Variants in MAGI2 observed in about 807,000 individuals in gnomAD.
The protein encoded by MAGI2 is membrane-associated guanylate kinase, WW and PDZ domain-containing protein 2.
A neutral mutation model predicts 133.3 loss-of-function variants in MAGI2; 35 were observed. The ratio of observed to expected loss-of-function variants is 0.26; its 90% CI spans 0.20 to 0.35. The LOEUF (loss-of-function observed/expected upper bound fraction) is 0.35. Among genes scored for constraint, MAGI2 ranks in the 10% least tolerant of loss-of-function variants. MAGI2 has a pLI of 1.00. For synonymous variants in MAGI2, 729 were observed against 710.6 expected (o/e 1.03, Z -0.41); for missense variants, 1,636 against 1,863.4 (o/e 0.88, Z 2.25).
At chr7:78,276,689 A>G (rs1159758153) in intron 9 of MAGI2, among the ~76,000 whole-genome samples, 1 of 152,184 alleles carries the variant, frequency 6.6e-6, no homozygotes, top group Non-Finnish European at 1.5e-5. Flanking sequence ...GTTACCTTAC[A>G]TATTATATGT....
At chr7:78,332,701 A>C (rs1380617432) in intron 9 of MAGI2, among the ~76,000 whole-genome samples, 2 of 13,306 alleles carry the variant, frequency 1.5e-4, no homozygotes, top group South Asian at 1.8e-3. Flanking sequence ...CCGTCTCAAA[A>C]AAAAAAAAAA....
chr7:78,610,382 T>C (rs1181534513), intron 3 of MAGI2, among the ~76,000 whole-genome samples: 2 of 152,120 alleles, frequency 1.3e-5, no homozygotes, highest in African/African-American at 2.4e-5. Context: ...CATCACTACA[T>C]AGTATAGTGC....
chr7:78,453,905 T>C (rs1435419849), intron 6 of MAGI2, among the ~76,000 whole-genome samples: 1 of 152,206 alleles, frequency 6.6e-6, no homozygotes, highest in Non-Finnish European at 1.5e-5. Flanking sequence ...TTTCCGTTTT[T>C]ATTGGTATAT....
At chr7:78,386,263 T>C (rs1795382937) in intron 6 of MAGI2, among the ~76,000 whole-genome samples, 1 of 152,192 alleles carries the variant, frequency 6.6e-6, no homozygotes, top group Non-Finnish European at 1.5e-5. Context: ...ATTCTCTCTA[T>C]ATAATAATGC....
At chr7:78,863,689 A>G (rs1794334577) in intron 2 of MAGI2, among the ~76,000 whole-genome samples, 1 of 152,336 alleles carries the variant, frequency 6.6e-6, no homozygotes, top group South Asian at 2.1e-4. Flanking sequence ...AACTTTGCTC[A>G]CAGATAAATA....
At position 78,497,750 on chromosome 7, in the gene MAGI2, A is replaced by ATCTATCTATCTGTCTGTCTGTCTGTCTG. The variant is rs1554442384; in HGVS notation, c.965+3826_965+3827insCAGACAGACAGACAGACAGATAGATAGA. On this transcript the variant is annotated intron_variant, in intron 5 of 21. Coordinates refer to ENST00000354212, the MANE Select transcript of MAGI2 (RefSeq NM_012301.4). ...TATCTATCTATCTATCTATCTATCT[A>ATCTATCTATCTGTCTGTCTGTCTGTCTG]TCTATCTATCTATCTTTCTATCTTA... 3.0e-3 allele frequency among the ~76,000 whole-genome samples: 337 copies of ATCTATCTATCTGTCTGTCTGTCTGTCTG among 113,506 alleles called. 9 individuals carry two copies. Among genetic ancestry groups the ATCTATCTATCTGTCTGTCTGTCTGTCTG allele is most frequent in the Middle Eastern group, 4.5e-3 (1 of 220 alleles). The allele number at this position is 113,506 out of a possible 152,430, so 74.5% of individuals were successfully genotyped here. A position where few individuals can be genotyped will look rare whatever the true frequency, so the allele number is the denominator to read the frequency against.
At chr7:79,171,771 T>TATATATATATATATATATA (rs1554394312) in intron 1 of MAGI2, among the ~76,000 whole-genome samples, 8 of 20,046 alleles carry the variant, frequency 4.0e-4, no homozygotes, top group South Asian at 1.2e-3. Context: ...TATATATATA[T>TATATATATATATATATATA]TTTTTTTTTT....
intron 20 of MAGI2, among the ~76,000 whole-genome samples, chr7:78,120,421 C>T (rs1179828293): frequency 6.6e-6 from 1 of 151,996 alleles, no homozygotes; most frequent in Non-Finnish European, 1.5e-5. Context: ...AACAAAAACA[C>T]TTGACAAGAA....
chr7:78,665,479 T>C (rs1432719603), intron 2 of MAGI2, among the ~76,000 whole-genome samples: 1 of 152,152 alleles, frequency 6.6e-6, no homozygotes, highest in Non-Finnish European at 1.5e-5. Flanking sequence ...TGATCGCACA[T>C]TGTACACTGA....
intron 2 of MAGI2, among the ~76,000 whole-genome samples, chr7:78,902,872 A>T (rs188892978): frequency 1.3e-5 from 2 of 152,316 alleles, no homozygotes; most frequent in Non-Finnish European, 1.5e-5. Flanking sequence ...TAGGGAAGAT[A>T]TTGTAAACAA....
At chr7:78,520,960 A>G (rs1796443297) in intron 4 of MAGI2, among the ~76,000 whole-genome samples, 1 of 152,176 alleles carries the variant, frequency 6.6e-6, no homozygotes, top group Non-Finnish European at 1.5e-5. Context: ...TATTCATTGA[A>G]GTTGTAAACT....
chr7:78,326,160 A>T (rs1788562510), intron 9 of MAGI2, among the ~76,000 whole-genome samples: 1 of 152,214 alleles, frequency 6.6e-6, no homozygotes. Context: ...TTATAAGAAG[A>T]GATTGTACCT....
chr7:78,437,346 T>C (rs1800394963), intron 6 of MAGI2, among the ~76,000 whole-genome samples: 1 of 152,178 alleles, frequency 6.6e-6, no homozygotes, highest in South Asian at 2.1e-4. Context: ...AAAAGCATTT[T>C]GGAATTGGGG....
At chr7:78,847,513 A>G (rs559267352) in intron 2 of MAGI2, among the ~76,000 whole-genome samples, 1 of 152,142 alleles carries the variant, frequency 6.6e-6, no homozygotes, top group South Asian at 2.1e-4. Context: ...TTGAACCCAT[A>G]ATAAGGCAAA....
intron 1 of MAGI2, among the ~76,000 whole-genome samples, chr7:79,399,729 G>A (rs867791221): frequency 6.6e-6 from 1 of 152,110 alleles, no homozygotes; most frequent in Non-Finnish European, 1.5e-5. Context: ...TCCTCTATGT[G>A]CTAGTAAGTT....
intron 6 of MAGI2, among the ~76,000 whole-genome samples, chr7:78,468,779 C>A (rs1790900092): frequency 6.6e-6 from 1 of 152,108 alleles, no homozygotes; most frequent in Non-Finnish European, 1.5e-5. Flanking sequence ...TTGTGACAGA[C>A]TTGATGGATA....
chr7:78,105,311 A>G (rs1818573516), intron 20 of MAGI2, among the ~76,000 whole-genome samples: 1 of 152,112 alleles, frequency 6.6e-6, no homozygotes, highest in Non-Finnish European at 1.5e-5. Flanking sequence ...TTGCTGTTAC[A>G]GACATTCTTC....
chr7:78,362,241 G>A (rs2151239447), intron 7 of MAGI2, among the ~76,000 whole-genome samples: 1 of 152,276 alleles, frequency 6.6e-6, no homozygotes, highest in African/African-American at 2.4e-5. Context: ...GGCGGAGGTT[G>A]CAGTAAGCCG....
chr7:78,576,716 T>G (rs1802305250), intron 3 of MAGI2, among the ~76,000 whole-genome samples: 1 of 152,186 alleles, frequency 6.6e-6, no homozygotes, highest in Admixed American at 6.5e-5. Flanking sequence ...CCCACAACTA[T>G]TCACTTCTTT....
Sources: allele counts gnomAD v4.1 joint callset (sites outside exome capture counted in the v4.1 genomes callset), GRCh38; gene constraint gnomAD v4.1.1; transcripts MANE v1.5; gene names NCBI Gene and HGNC (gene_info 2026-07-23, HGNC 2026-07-21).